The following ZFHX3 variants were observed in gnomAD, a reference collection of about 807,000 sequenced individuals.
ZFHX3 encodes the protein zinc finger homeobox 3, also known as zinc finger homeobox protein 3.
ZFHX3 carries 42 observed loss-of-function variants against 279.1 expected under a neutral mutation model. The ratio of observed to expected loss-of-function variants is 0.15; its 90% CI spans 0.12 to 0.19. ZFHX3 has a LOEUF of 0.19. Ranked by LOEUF, ZFHX3 falls within the 10% of genes least tolerant of loss-of-function variation. ZFHX3 has a pLI of 1.00. For missense variants in ZFHX3, 4,981 were observed against 4,754.0 expected (o/e 1.05, Z -1.40); for synonymous variants, 2,293 against 1,957.8 (o/e 1.17, Z -4.52).
exon 1 of ZFHX3, chr16:73,058,726 C>T: frequency 6.6e-6 from 1 of 151,504 alleles, no homozygotes; most frequent in Non-Finnish European, 1.3e-5. Context: ...GCGGCGGCGG[C>T]GGAGCTGGAG....
chr16:72,844,916 T>C (rs2037439888), intron 4 of ZFHX3, among the ~76,000 whole-genome samples: 1 of 151,588 alleles, frequency 6.6e-6, no homozygotes, highest in East Asian at 2.0e-4. Context: ...TTCAATTAAG[T>C]CCTGTAGTAA....
chr16:73,142,149 C>T (rs1966849208), intron 6 of ZFHX3, among the ~76,000 whole-genome samples: 1 of 152,208 alleles, frequency 6.6e-6, no homozygotes, highest in Non-Finnish European at 1.5e-5. Context: ...ACTTCCCCCT[C>T]TGTTTCCTCT....
At chr16:73,093,900 G>A (rs1384587551) in intron 7 of ZFHX3, 2 of 221,830 alleles carry the variant, frequency 9.0e-6, no homozygotes, top group Admixed American at 1.0e-4. Flanking sequence ...AGTAGAGCTG[G>A]GGCGGTGGTG....
At chr16:73,197,924 GTTTTTTTTTTTTTTTTTTT>G (rs71156148) in intron 5 of ZFHX3, among the ~76,000 whole-genome samples, 1 of 53,748 alleles carries the variant, frequency 1.9e-5, no homozygotes, top group African/African-American at 7.0e-5. Flanking sequence ...TGATTTGGTG[GTTTTTTTTTTTTTTTTTTT>G]TTTTTTTTTT....
intron 5 of ZFHX3, among the ~76,000 whole-genome samples, chr16:73,216,668 C>T (rs1435736354): frequency 1.3e-5 from 2 of 151,950 alleles, no homozygotes; most frequent in Non-Finnish European, 2.9e-5. Context: ...GAGGCTGAGG[C>T]GAGAGAATGG....
chr16:72,837,029 C>A (rs938191471), intron 4 of ZFHX3, among the ~76,000 whole-genome samples: 1 of 152,164 alleles, frequency 6.6e-6, no homozygotes, highest in Non-Finnish European at 1.5e-5. Flanking sequence ...TTGCTCTCTG[C>A]GTGTATGATA....
At chr16:73,074,157 C>T (rs1275425697) in intron 8 of ZFHX3, among the ~76,000 whole-genome samples, 1 of 152,204 alleles carries the variant, frequency 6.6e-6, no homozygotes, top group Non-Finnish European at 1.5e-5. Flanking sequence ...TTTATTGTGG[C>T]ATCTTTCAAC....
At chr16:73,549,885 C>A (rs2020177674) in intron 2 of ZFHX3, among the ~76,000 whole-genome samples, 1 of 149,680 alleles carries the variant, frequency 6.7e-6, no homozygotes. Flanking sequence ...TTTTTCCCAT[C>A]AAAATTACAT....
At chr16:73,484,797 A>G (rs567430052) in intron 2 of ZFHX3, among the ~76,000 whole-genome samples, 11 of 152,214 alleles carry the variant, frequency 7.2e-5, no homozygotes, top group Admixed American at 2.6e-4. Context: ...TCTTTCATCT[A>G]TGTTCCTCCA....
intron 3 of ZFHX3, among the ~76,000 whole-genome samples, chr16:72,905,439 C>A (rs2039144802): frequency 1.3e-5 from 2 of 152,092 alleles, no homozygotes; most frequent in Admixed American, 1.3e-4. Flanking sequence ...TCTTCTACAT[C>A]CCTAGCTATG....
Position 73,377,486 on chromosome 16 carries a change from G to T in ZFHX3, c.-1290-59150C>A, listed in dbSNP as rs1438724153. On this transcript the variant is annotated intron_variant, in intron 3 of 17. Transcript: ENST00000641206. ...GAAACAGACCCTTGCACATTTAGAT[G>T]CTTGCTTCATGACAGAGGTGGTATT... Among the ~76,000 whole-genome samples, 3 of 151,992 alleles carry T rather than the reference G, an allele frequency of 2.0e-5. No homozygotes were observed. In the East Asian group the frequency reaches 5.8e-4, roughly 29 times the overall value.
intron 2 of ZFHX3, among the ~76,000 whole-genome samples, chr16:73,523,637 T>C (rs1336717384): frequency 7.2e-6 from 1 of 139,134 alleles, no homozygotes; most frequent in East Asian, 2.1e-4. Flanking sequence ...TTTTTTTTTT[T>C]CATATGTATA....
chr16:73,034,264 C>G (rs34970912), intron 1 of ZFHX3, among the ~76,000 whole-genome samples: 3,230 of 152,148 alleles, frequency 0.021, 42 homozygotes, highest in Non-Finnish European at 0.031. Context: ...GTTTCCATTC[C>G]GCGGCATCAA....
At chr16:73,266,753 A>G (rs957089869) in intron 4 of ZFHX3, among the ~76,000 whole-genome samples, 2 of 152,204 alleles carry the variant, frequency 1.3e-5, no homozygotes, top group African/African-American at 4.8e-5. Flanking sequence ...GTCTCAAAAG[A>G]TGTCACGGTT....
At chr16:73,773,261 G>A (rs2054039391) in intron 1 of ZFHX3, among the ~76,000 whole-genome samples, 1 of 152,344 alleles carries the variant, frequency 6.6e-6, no homozygotes, top group Non-Finnish European at 1.5e-5. Context: ...AAGTTCTAGA[G>A]GAGGGTGCCA....
chr16:73,032,951 G>A (rs1412353281), intron 1 of ZFHX3, among the ~76,000 whole-genome samples: 1 of 152,192 alleles, frequency 6.6e-6, no homozygotes, highest in Non-Finnish European at 1.5e-5. Context: ...TTCAGGCAGG[G>A]CTGCGGCCAG....
chr16:73,804,608 A>T (rs117139987), intron 1 of ZFHX3, among the ~76,000 whole-genome samples: 247 of 152,272 alleles, frequency 1.6e-3, no homozygotes, highest in Non-Finnish European at 2.3e-3. Flanking sequence ...GATATAATTT[A>T]CAACCCTCAG....
intron 4 of ZFHX3, among the ~76,000 whole-genome samples, chr16:72,840,330 G>A (rs2037314445): frequency 6.6e-6 from 1 of 152,146 alleles, no homozygotes; most frequent in African/African-American, 2.4e-5. Context: ...AACCTTGTGG[G>A]ATGGCTCTCG....
intron 4 of ZFHX3, among the ~76,000 whole-genome samples, chr16:73,299,885 T>G (rs2015011538): frequency 6.6e-6 from 1 of 152,214 alleles, no homozygotes; most frequent in Non-Finnish European, 1.5e-5. Context: ...TAGGGTAGTC[T>G]CATGATCTCT....
Sources: allele counts gnomAD v4.1 joint callset (sites outside exome capture counted in the v4.1 genomes callset), GRCh38; gene constraint gnomAD v4.1.1; transcripts MANE v1.5; gene names NCBI Gene and HGNC (gene_info 2026-07-23, HGNC 2026-07-21).